Variants in FOXP2 observed in about 807,000 individuals in gnomAD.
FOXP2 encodes the protein forkhead box P2.
FOXP2 carries 12 observed loss-of-function variants against 115.8 expected under a neutral mutation model. That is an observed-to-expected ratio of 0.10 (90% confidence interval 0.07 to 0.17). The LOEUF is 0.17. Ranked by LOEUF, FOXP2 falls within the 10% of genes least tolerant of loss-of-function variation. The probability of loss-of-function intolerance (pLI) is 1.00; values close to 1 mark genes in which losing one functional copy is unlikely to be tolerated. For missense variants in FOXP2, 629 were observed against 843.5 expected (o/e 0.75, Z 3.15); for synonymous variants, 328 against 297.7 (o/e 1.10, Z -1.05).
chr7:114,688,598 T>G (rs1293474427), intron 16 of FOXP2, among the ~76,000 whole-genome samples: 1 of 152,152 alleles, frequency 6.6e-6, no homozygotes, highest in Non-Finnish European at 1.5e-5. Context: ...GATTTATCAT[T>G]GCAGCACAAC....
intron 2 of FOXP2, among the ~76,000 whole-genome samples, chr7:114,436,248 C>G (rs1271299894): frequency 1.3e-5 from 2 of 151,730 alleles, no homozygotes; most frequent in Admixed American, 6.6e-5. Context: ...TGCTATCACT[C>G]TTCGTCTTTT....
intron 2 of FOXP2, among the ~76,000 whole-genome samples, chr7:114,396,802 G>A (rs1295888944): frequency 6.6e-6 from 1 of 151,964 alleles, no homozygotes; most frequent in Non-Finnish European, 1.5e-5. Flanking sequence ...AGAATATAAT[G>A]TATTCTTGAA....
intron 2 of FOXP2, among the ~76,000 whole-genome samples, chr7:114,331,834 T>C (rs1461234728): frequency 6.6e-6 from 1 of 151,962 alleles, no homozygotes; most frequent in Non-Finnish European, 1.5e-5. Context: ...TTACTATAGA[T>C]GGGGTTTTCG....
At position 114,228,895 on chromosome 7, in the gene FOXP2, C is replaced by G. The variant is rs113010355; in HGVS notation, c.-101-59124C>G. 2.0e-3 allele frequency among the ~76,000 whole-genome samples: 308 copies of G among 150,848 alleles called. 1 individual carries two copies. Among genetic ancestry groups the G allele is most frequent in the African/African-American group, 7.2e-3 (293 of 40,890 alleles). On this transcript the variant is annotated intron_variant, in intron 1 of 17. Transcript: ENST00000634411. ...TAACAAAATGATAATAGTAAGTTCTCCCTTTCAATACTTATTTTAAATTTA... is the reference window on the plus strand; with the variant it reads ...TAACAAAATGATAATAGTAAGTTCTGCCTTTCAATACTTATTTTAAATTTA...
At chr7:114,106,133 G>A (rs537017009) in intron 1 of FOXP2, among the ~76,000 whole-genome samples, 3 of 152,160 alleles carry the variant, frequency 2.0e-5, no homozygotes, top group South Asian at 2.1e-4. Context: ...AATTCTAGGC[G>A]CAGCTACATC....
intron 3 of FOXP2, among the ~76,000 whole-genome samples, chr7:114,584,223 T>A (rs903113996): frequency 1.3e-5 from 2 of 152,120 alleles, no homozygotes; most frequent in African/African-American, 4.8e-5. Context: ...TTTTTTTTTA[T>A]TACTCCACTA....
chr7:114,259,123 A>G (rs1184578097), intron 1 of FOXP2, among the ~76,000 whole-genome samples: 3 of 152,182 alleles, frequency 2.0e-5, no homozygotes, highest in Admixed American at 1.3e-4. Flanking sequence ...TCTTCGATCA[A>G]CTTATTACAT....
Position 114,103,048 on chromosome 7 carries a change from T to C in FOXP2, c.-247+15210T>C, listed in dbSNP as rs77981188. Reference sequence around the variant, plus strand: ...CCAGCTGAATCTTCGGAGATCTAGATAGTGAACCATGAATAACAATTACAT... The same window carrying C: ...CCAGCTGAATCTTCGGAGATCTAGACAGTGAACCATGAATAACAATTACAT... On this transcript the variant is annotated intron_variant, in intron 1 of 19. Coordinates refer to the FOXP2 transcript ENST00000635638. Among the ~76,000 whole-genome samples, 920 of 152,172 alleles carry C rather than the reference T, an allele frequency of 6.0e-3. 11 individuals are homozygous for C. Among genetic ancestry groups the C allele is most frequent in the African/African-American group, 0.021 (883 of 41,544 alleles).
chr7:114,218,414 A>G (rs1386417638), intron 1 of FOXP2, among the ~76,000 whole-genome samples: 1 of 152,164 alleles, frequency 6.6e-6, no homozygotes, highest in African/African-American at 2.4e-5. Flanking sequence ...CTGTTCACCA[A>G]GCAGCAGTAA....
intron 2 of FOXP2, among the ~76,000 whole-genome samples, chr7:114,459,092 G>C (rs962670806): frequency 6.6e-6 from 1 of 152,168 alleles, no homozygotes; most frequent in Non-Finnish European, 1.5e-5. Context: ...CATAGAGCCA[G>C]TTTTAGTTCA....
chr7:114,479,695 G>A (rs1193415954), intron 2 of FOXP2, among the ~76,000 whole-genome samples: 1 of 151,468 alleles, frequency 6.6e-6, no homozygotes, highest in Non-Finnish European at 1.5e-5. Flanking sequence ...ATTTTTGTAA[G>A]TATACATTTA....
At chr7:114,230,360 C>T (rs1437510156) in intron 1 of FOXP2, among the ~76,000 whole-genome samples, 1 of 151,742 alleles carries the variant, frequency 6.6e-6, no homozygotes, top group Non-Finnish European at 1.5e-5. Flanking sequence ...GGAACACTTC[C>T]AAACTTATTT....
chr7:114,326,298 T>C (rs1797556240), intron 2 of FOXP2, among the ~76,000 whole-genome samples: 1 of 152,116 alleles, frequency 6.6e-6, no homozygotes, highest in South Asian at 2.1e-4. Context: ...TTAGCTGGAT[T>C]ATCTAAGGAG....
intron 2 of FOXP2, among the ~76,000 whole-genome samples, chr7:114,522,887 T>G (rs1321735982): frequency 6.6e-6 from 1 of 152,098 alleles, no homozygotes; most frequent in Non-Finnish European, 1.5e-5. Context: ...AAATGTATCT[T>G]TGTGAATTGG....
At chr7:114,537,211 T>G (rs1279923670) in intron 3 of FOXP2, among the ~76,000 whole-genome samples, 1 of 151,594 alleles carries the variant, frequency 6.6e-6, no homozygotes, top group East Asian at 1.9e-4. Flanking sequence ...CTTAACCAAG[T>G]GTTTAACCAA....
At chr7:114,335,168 A>C (rs1418256469) in intron 2 of FOXP2, among the ~76,000 whole-genome samples, 1 of 151,448 alleles carries the variant, frequency 6.6e-6, no homozygotes, top group Non-Finnish European at 1.5e-5. Context: ...GTACCCTGAA[A>C]AGTATCACAT....
At chr7:114,464,078 A>T (rs1562941912) in intron 2 of FOXP2, among the ~76,000 whole-genome samples, 1 of 152,246 alleles carries the variant, frequency 6.6e-6, no homozygotes, top group Non-Finnish European at 1.5e-5. Flanking sequence ...TTCCAAACCT[A>T]GAATGAACAA....
At chr7:114,286,206 A>G (rs1436867706) in intron 1 of FOXP2, among the ~76,000 whole-genome samples, 1 of 151,930 alleles carries the variant, frequency 6.6e-6, no homozygotes, top group East Asian at 1.9e-4. Flanking sequence ...ACTCTCATGT[A>G]TGTATGAGCT....
At chr7:114,589,224 A>AT (rs1359240939) in intron 3 of FOXP2, among the ~76,000 whole-genome samples, 4 of 151,798 alleles carry the variant, frequency 2.6e-5, no homozygotes, top group Non-Finnish European at 4.4e-5. Flanking sequence ...ACTTTTCATT[A>AT]TTTTTTAGGC....
Sources: allele counts gnomAD v4.1 joint callset (sites outside exome capture counted in the v4.1 genomes callset), GRCh38; gene constraint gnomAD v4.1.1; transcripts MANE v1.5; gene names NCBI Gene and HGNC (gene_info 2026-07-23, HGNC 2026-07-21).